EPHB1: variants seen among roughly 807,000 people sequenced by gnomAD.
EPHB1 encodes ephrin type-B receptor 1.
A neutral mutation model predicts 94.4 loss-of-function variants in EPHB1; 30 were observed. The observed-to-expected ratio is 0.32, with a 90% CI of 0.24 to 0.43. EPHB1 has a LOEUF of 0.43. Ranked by LOEUF, EPHB1 falls within the 20% of genes least tolerant of loss-of-function variation. EPHB1 has a pLI of 1.00. For missense variants in EPHB1, 1,055 were observed against 1,308.3 expected, an observed-to-expected ratio of 0.81 and a Z score of 2.99; for synonymous variants, 522 against 489.1, an observed-to-expected ratio of 1.07 and a Z score of -0.89.
At chr3:135,049,283 T>C (rs771366459) in intron 3 of EPHB1, among the ~76,000 whole-genome samples, 3 of 152,254 alleles carry the variant, frequency 2.0e-5, no homozygotes, top group Non-Finnish European at 4.4e-5. Flanking sequence ...AAAAACAACG[T>C]TAATCATGTC....
chr3:134,838,629 T>C (rs6782516), intron 1 of EPHB1, among the ~76,000 whole-genome samples: 49,582 of 151,986 alleles, frequency 0.33, 9,396 homozygotes, highest in African/African-American at 0.52. Flanking sequence ...TTAGCACCCT[T>C]CTCTTAAAAA....
chr3:135,199,331 A>C (rs1942700162), intron 11 of EPHB1, among the ~76,000 whole-genome samples: 1 of 152,240 alleles, frequency 6.6e-6, no homozygotes, highest in Non-Finnish European at 1.5e-5. Context: ...CTACTTGGAG[A>C]AAATGCTTCG....
At chr3:134,909,087 T>A (rs1288142311) in intron 1 of EPHB1, among the ~76,000 whole-genome samples, 2 of 112,292 alleles carry the variant, frequency 1.8e-5, no homozygotes, top group Non-Finnish European at 3.3e-5. Flanking sequence ...TGCTGGCCCA[T>A]CAGAGAACAG....
intron 3 of EPHB1, among the ~76,000 whole-genome samples, chr3:134,957,886 C>G (rs1174182863): frequency 1.3e-5 from 2 of 152,132 alleles, no homozygotes; most frequent in African/African-American, 4.8e-5. Flanking sequence ...CACCTATGAC[C>G]ATTCTAACTC....
chr3:135,076,250 T>TAG, intron 3 of EPHB1, among the ~76,000 whole-genome samples: 1 of 145,028 alleles, frequency 6.9e-6, no homozygotes, highest in African/African-American at 2.8e-5. Context: ...TATATATATA[T>TAG]ATATATATAT....
intron 2 of EPHB1, among the ~76,000 whole-genome samples, chr3:134,934,326 G>A (rs2107706337): frequency 6.6e-6 from 1 of 152,292 alleles, no homozygotes; most frequent in South Asian, 2.1e-4. Flanking sequence ...ATAGACAAAG[G>A]CTTGAGGGCC....
intron 12 of EPHB1, among the ~76,000 whole-genome samples, chr3:135,237,537 C>A (rs1458060737): frequency 6.6e-6 from 1 of 151,946 alleles, no homozygotes; most frequent in Non-Finnish European, 1.5e-5. Context: ...CAACAGTGAC[C>A]CCTGCGGCAG....
At chr3:135,221,039 T>C (rs1943270057) in intron 12 of EPHB1, among the ~76,000 whole-genome samples, 2 of 152,242 alleles carry the variant, frequency 1.3e-5, no homozygotes, top group South Asian at 2.1e-4. Flanking sequence ...CCAGGGACTA[T>C]TGAAGACAAC....
intron 1 of EPHB1, among the ~76,000 whole-genome samples, chr3:134,910,736 C>T (rs1030675352): frequency 6.6e-6 from 1 of 152,118 alleles, no homozygotes; most frequent in Admixed American, 6.5e-5. Context: ...TGCCATTGAC[C>T]CCTGGCAACT....
At chr3:135,111,991 G>A (rs1045855596) in intron 4 of EPHB1, among the ~76,000 whole-genome samples, 1 of 152,226 alleles carries the variant, frequency 6.6e-6, no homozygotes, top group Non-Finnish European at 1.5e-5. Context: ...TTTCACTCTT[G>A]AGTGGTCAGA....
At chr3:134,866,364 T>C (rs545045372) in intron 1 of EPHB1, among the ~76,000 whole-genome samples, 2 of 152,330 alleles carry the variant, frequency 1.3e-5, no homozygotes, top group East Asian at 3.9e-4. Context: ...CTGGAACTGG[T>C]GTGGCTCTTT....
intron 1 of EPHB1, among the ~76,000 whole-genome samples, chr3:134,883,996 A>G (rs2037813095): frequency 6.6e-6 from 1 of 152,254 alleles, no homozygotes; most frequent in Non-Finnish European, 1.5e-5. Flanking sequence ...ATGAATTTAA[A>G]TGACATAAGC....
intron 1 of EPHB1, among the ~76,000 whole-genome samples, chr3:134,800,298 G>T (rs1192368669): frequency 6.6e-6 from 1 of 152,124 alleles, no homozygotes; most frequent in Non-Finnish European, 1.5e-5. Context: ...AAAGTAAGAT[G>T]CTATTAAAAT....
At chr3:134,834,401 C>A (rs1485918949) in intron 1 of EPHB1, among the ~76,000 whole-genome samples, 2 of 152,108 alleles carry the variant, frequency 1.3e-5, no homozygotes, top group African/African-American at 4.8e-5. Flanking sequence ...ATTGTTACCC[C>A]TCACACAAAA....
chr3:134,857,470 G>A (rs9814692), intron 1 of EPHB1, among the ~76,000 whole-genome samples: 85,932 of 151,886 alleles, frequency 0.57, 26,445 homozygotes, highest in East Asian at 0.8. Context: ...CAGGCTGCGG[G>A]TGTCAGCCCT....
At chr3:135,199,968 A>G (rs1218163708) in intron 11 of EPHB1, among the ~76,000 whole-genome samples, 1 of 152,164 alleles carries the variant, frequency 6.6e-6, no homozygotes, top group Non-Finnish European at 1.5e-5. Context: ...TGCTTTCTGC[A>G]TTTCACATAA....
At chr3:134,991,370 G>C (rs1292961685) in intron 3 of EPHB1, among the ~76,000 whole-genome samples, 1 of 152,142 alleles carries the variant, frequency 6.6e-6, no homozygotes, top group Non-Finnish European at 1.5e-5. Context: ...CTTAGACTTT[G>C]TTAAATACTC....
chr3:135,065,291 G>A (rs984598186), intron 3 of EPHB1, among the ~76,000 whole-genome samples: 3 of 152,168 alleles, frequency 2.0e-5, no homozygotes, highest in Non-Finnish European at 2.9e-5. Flanking sequence ...GTCTAGTGCT[G>A]TCAGTGGACT....
intron 10 of EPHB1, among the ~76,000 whole-genome samples, chr3:135,184,403 A>T (rs1576453538): frequency 6.6e-6 from 1 of 152,316 alleles, no homozygotes; most frequent in East Asian, 1.9e-4. Context: ...GCCAGGTGTG[A>T]TGCCACCCAA....
Sources: gnomAD v4.1 joint callset for allele counts (sites outside exome capture counted in the v4.1 genomes callset) on GRCh38, gnomAD v4.1.1 for gene constraint, MANE v1.5 for transcripts, NCBI Gene and HGNC (gene_info 2026-07-23, HGNC 2026-07-21) for gene names.